Variants in DIXDC1 observed in about 807,000 individuals in gnomAD.
DIXDC1 encodes DIX domain containing 1.
In DIXDC1, 64 loss-of-function variants were observed where a neutral mutation model predicts 103.1. The ratio of observed to expected loss-of-function variants is 0.62; its 90% confidence interval spans 0.51 to 0.76. DIXDC1 has a LOEUF of 0.76. Among genes scored for constraint, DIXDC1 ranks in the 30% least tolerant of loss-of-function variants. The probability of loss-of-function intolerance (pLI) is 0.00; values close to 1 mark genes in which losing one functional copy is unlikely to be tolerated. For synonymous variants in DIXDC1, 266 were observed against 298.5 expected, an observed-to-expected ratio of 0.89 and a Z score of 1.12; for missense variants, 759 against 834.2, an observed-to-expected ratio of 0.91 and a Z score of 1.11.
At chr11:111,968,856 C>G (rs781821313) in intron 3 of DIXDC1, among the ~76,000 whole-genome samples, 1 of 152,094 alleles carries the variant, frequency 6.6e-6, no homozygotes, top group East Asian at 1.9e-4. Context: ...TTCACTGCAA[C>G]CTTTGCCTCC....
At chr11:111,950,943 T>A (rs373352001) in intron 1 of DIXDC1, among the ~76,000 whole-genome samples, 1 of 152,318 alleles carries the variant, frequency 6.6e-6, no homozygotes, top group African/African-American at 2.4e-5. Context: ...ATAGTCACCC[T>A]TCTGTGGAAT....
intron 1 of DIXDC1, among the ~76,000 whole-genome samples, chr11:111,940,384 C>G (rs1966378875): frequency 6.6e-6 from 1 of 152,224 alleles, no homozygotes; most frequent in Non-Finnish European, 1.5e-5. Flanking sequence ...TGTCATCCCC[C>G]ATTTCCTATG....
Position 111,964,678 on chromosome 11 carries a change from G to T in DIXDC1, c.190G>T (p.Ala64Ser). The change falls in exon 2 of 20, where the codon GCA becomes TCA. Residue 64 changes from alanine (A) to serine (S), a missense_variant and splice_region_variant. Coordinates refer to ENST00000440460, the MANE Select transcript of DIXDC1 (RefSeq NM_001037954.4). ...CCTGGCATATCTCATCGAGATTGTTGGTCAGTTGGCCCTGGACTCTGATAC... is the reference window on the plus strand; with the variant it reads ...CCTGGCATATCTCATCGAGATTGTTTGTCAGTTGGCCCTGGACTCTGATAC... ...VILAYLIEIV[A>S]GEKLSGVQLS... is the part of the protein sequence containing the mutation. 6.2e-7 allele frequency: 1 copy of T among 1,602,152 alleles called. No homozygotes were observed. The highest frequency in any genetic ancestry group is 1.1e-5 in the South Asian group (1 of 88,712).
chr11:111,971,382 A>G (rs782223081), intron 3 of DIXDC1, among the ~76,000 whole-genome samples: 1 of 152,236 alleles, frequency 6.6e-6, no homozygotes, highest in Non-Finnish European at 1.5e-5. Flanking sequence ...AATCAGATAA[A>G]TGCAAATCAA....
intron 17 of DIXDC1, among the ~76,000 whole-genome samples, chr11:112,006,081 C>G (rs1329891247): frequency 6.6e-6 from 1 of 152,210 alleles, no homozygotes; most frequent in Non-Finnish European, 1.5e-5. Context: ...CACTCCTCCC[C>G]CAAATACTGC....
Position 112,019,555 on chromosome 11 carries a change from C to A in DIXDC1, c.*519C>A, listed in dbSNP as rs1395804998. 2 of 152,948 alleles carry A rather than the reference C, an allele frequency of 1.3e-5. No homozygotes were observed. The highest frequency in any genetic ancestry group is 2.4e-5 in the African/African-American group (1 of 41,426). The allele number at this position is 152,948 out of a possible 1,614,324, so 9.5% of individuals were successfully genotyped here. ...ATGAGGTGGTACCAAAGATGAAAGC[C>A]CAGACTTCAGTAATCTTTTGAACCA... On this transcript the variant is annotated 3_prime_UTR_variant, in exon 20 of 20. Transcript: ENST00000440460.
chr11:112,017,760 C>G lies in DIXDC1; in HGVS notation c.1863-17C>G. Reference sequence around the variant, plus strand: ...TTGATCAACAGTCTATTTTAGTGCTCTCTCCTTGTGTTGCAGGTTGGAGGA... The same window carrying G: ...TTGATCAACAGTCTATTTTAGTGCTGTCTCCTTGTGTTGCAGGTTGGAGGA... On this transcript the variant is annotated splice_polypyrimidine_tract_variant and intron_variant, in intron 18 of 19. Transcript: ENST00000440460. This position sits in a 1 kb window ranked among gnomAD's most constrained non-coding sequence, Gnocchi z 4.0. 6.3e-7 allele frequency: 1 copy of G among 1,592,346 alleles called. No individual in the cohort carries two copies.
intron 1 of DIXDC1, among the ~76,000 whole-genome samples, chr11:111,950,264 G>A (rs1966734975): frequency 1.3e-5 from 2 of 151,150 alleles, no homozygotes; most frequent in Admixed American, 1.3e-4. Context: ...AAAAGAATAT[G>A]AAATATCTTG....
chr11:111,981,191 A>G (rs1420183310), intron 6 of DIXDC1, among the ~76,000 whole-genome samples: 1 of 152,216 alleles, frequency 6.6e-6, no homozygotes, highest in African/African-American at 2.4e-5. Flanking sequence ...TGCAGGACTT[A>G]CATAACTTAA....
At position 111,977,173 on chromosome 11, in the gene DIXDC1, A is replaced by G; in HGVS notation, c.656+2190A>G. On this transcript the variant is annotated intron_variant, in intron 5 of 19. Coordinates refer to ENST00000440460, the MANE Select transcript of DIXDC1 (RefSeq NM_001037954.4). This position sits in a 1 kb window ranked among gnomAD's most constrained non-coding sequence, Gnocchi z 6.1. ...CCCCACCCCCACCTCCACCCCGCCC[A>G]GCCCCGCCCCTGGCCCGCACCCTCA... The G allele has an allele frequency of 1.3e-5, 3 of 237,812 alleles. No homozygotes were observed. Among genetic ancestry groups the G allele is most frequent in the Non-Finnish European group, 1.9e-5 (3 of 154,524 alleles). 14.7% of individuals were successfully genotyped at this position (237,812 alleles called of 1,614,324 possible).
chr11:112,018,269 A>T (rs1466898337), intron 19 of DIXDC1, among the ~76,000 whole-genome samples: 1 of 152,216 alleles, frequency 6.6e-6, no homozygotes, highest in Non-Finnish European at 1.5e-5. Flanking sequence ...TATTTCTCAT[A>T]ATGAAATCAA....
At chr11:111,968,021 C>T (rs587696559) in intron 2 of DIXDC1, among the ~76,000 whole-genome samples, 1 of 152,352 alleles carries the variant, frequency 6.6e-6, no homozygotes, top group Admixed American at 6.5e-5. Flanking sequence ...ACATGCTTTA[C>T]TTTATTCAAG....
At chr11:111,939,154 T>C (rs1966330178) in intron 1 of DIXDC1, among the ~76,000 whole-genome samples, 1 of 152,216 alleles carries the variant, frequency 6.6e-6, no homozygotes, top group Admixed American at 6.5e-5. Flanking sequence ...AAAACTCAGC[T>C]CTTGATGGTC....
At chr11:111,971,953 A>C (rs1355700909) in intron 3 of DIXDC1, among the ~76,000 whole-genome samples, 1 of 152,122 alleles carries the variant, frequency 6.6e-6, no homozygotes, top group African/African-American at 2.4e-5. Context: ...GGAACAATAG[A>C]AACTGGGGAC....
chr11:111,977,626 G>A lies in DIXDC1; in HGVS notation c.656+2643G>A. 6.5e-7 allele frequency: 1 copy of A among 1,539,966 alleles called. No homozygotes were observed. The highest frequency in any genetic ancestry group is 8.8e-7 in the Non-Finnish European group (1 of 1,142,450). On this transcript the variant is annotated intron_variant, in intron 5 of 19. Coordinates refer to ENST00000440460, the MANE Select transcript of DIXDC1 (RefSeq NM_001037954.4). The surrounding 1 kb of genome is among the most constrained non-coding windows in gnomAD (Gnocchi z 6.1). ...CCGCTTTCTCCCGCGAGCCGGGCCA[G>A]TAGCTTTGCTAGCTGGCCTTCCCGT... is the stretch of plus-strand genomic sequence containing the variant.
chr11:111,938,370 G>T (rs1363757411), intron 1 of DIXDC1, among the ~76,000 whole-genome samples: 2 of 152,082 alleles, frequency 1.3e-5, no homozygotes, highest in Non-Finnish European at 2.9e-5. Flanking sequence ...CTACTCTTGC[G>T]GGTTGTCTTA....
At chr11:111,940,569 G>A (rs1966385316) in intron 1 of DIXDC1, among the ~76,000 whole-genome samples, 1 of 152,146 alleles carries the variant, frequency 6.6e-6, no homozygotes, top group African/African-American at 2.4e-5. Context: ...CAACTTTGGT[G>A]CTTGTGTTGG....
chr11:112,008,227 A>G (rs1433196741), intron 17 of DIXDC1, among the ~76,000 whole-genome samples: 1 of 152,180 alleles, frequency 6.6e-6, no homozygotes, highest in Non-Finnish European at 1.5e-5. Flanking sequence ...AGGCCATTAC[A>G]TAATGGTAAA....
upstream of DIXDC1, among the ~76,000 whole-genome samples, chr11:111,936,709 C>T (rs995195156): frequency 6.6e-6 from 1 of 152,138 alleles, no homozygotes; most frequent in African/African-American, 2.4e-5. Flanking sequence ...TCTGCTTCCT[C>T]TTCTTTAGCT....
Sources: gnomAD v4.1 joint callset for allele counts (sites outside exome capture counted in the v4.1 genomes callset) on GRCh38, gnomAD v4.1.1 for gene constraint, Gnocchi (gnomAD v3.1) non-coding constraint, MANE v1.5 for transcripts, NCBI Gene and HGNC (gene_info 2026-07-23, HGNC 2026-07-21) for gene names.